TENM3: variants seen among roughly 807,000 people sequenced by gnomAD.
The protein encoded by TENM3 is teneurin-3.
Under a neutral mutation model 255.1 loss-of-function variants are expected in TENM3, and 63 were observed. The ratio of observed to expected loss-of-function variants is 0.25; its 90% CI spans 0.20 to 0.30. TENM3 has a LOEUF of 0.30. TENM3 is among the 10% of genes least tolerant of loss of function. TENM3 has a pLI of 1.00. For missense variants in TENM3, 2,929 were observed against 3,461.1 expected, an observed-to-expected ratio of 0.85 and a Z score of 3.86; for synonymous variants, 1,306 against 1,322.3, an observed-to-expected ratio of 0.99 and a Z score of 0.27.
the TENM3 span, among the ~76,000 whole-genome samples, chr4:181,924,583 G>A: frequency 6.6e-6 from 1 of 152,168 alleles, no homozygotes; most frequent in African/African-American, 2.4e-5. Context: ...ACTGTTCATT[G>A]TTAATGCCTC....
At chr4:182,143,581 G>C (rs1749633979), upstream of TENM3, 1 of 166,760 alleles carries the variant, frequency 6.0e-6, no homozygotes, top group Non-Finnish European at 1.5e-5. The surrounding 1 kb of genome is among the most constrained non-coding windows in gnomAD (Gnocchi z 4.3). Context: ...TTCTAAGAAG[G>C]TTAGAGGTTT....
the TENM3 span, among the ~76,000 whole-genome samples, chr4:181,552,954 C>G: frequency 6.6e-6 from 1 of 152,292 alleles, no homozygotes; most frequent in East Asian, 1.9e-4. Flanking sequence ...CACACACACA[C>G]CACACACACT....
chr4:182,159,678 C>G (rs1222885253), intron 1 of TENM3, among the ~76,000 whole-genome samples: 1 of 152,096 alleles, frequency 6.6e-6, no homozygotes. Flanking sequence ...CCATTAGAAG[C>G]GCTCAGCTCA....
At chr4:181,778,905 T>C in the TENM3 span, among the ~76,000 whole-genome samples, 1 of 152,124 alleles carries the variant, frequency 6.6e-6, no homozygotes, top group Non-Finnish European at 1.5e-5. Context: ...GTGAATATTA[T>C]GAAATGAGGA....
At position 182,161,641 on chromosome 4, in the gene TENM3, A is replaced by ATATATATATACAAATATATATATG. The variant is rs1561152510; in HGVS notation, c.-76+16897_-76+16898insCAAATATATATATGTATATATATA. On this transcript the variant is annotated intron_variant, in intron 1 of 2. Coordinates refer to the TENM3 transcript ENST00000512480. ...TATATATATACAAATATATATATGT[A>ATATATATATACAAATATATATATG]TATATATATATACACACACACAAAT... 1.6e-3 allele frequency among the ~76,000 whole-genome samples: 72 copies of ATATATATATACAAATATATATATG among 46,122 alleles called. 1 individual carries two copies. The South Asian group carries it at 0.016, about 10-fold the overall frequency. 30.3% of individuals were successfully genotyped at this position (46,122 alleles called of 152,430 possible).
chr4:181,766,219 T>C, the TENM3 span, among the ~76,000 whole-genome samples: 1 of 152,106 alleles, frequency 6.6e-6, no homozygotes, highest in Non-Finnish European at 1.5e-5. Flanking sequence ...GATCCAAGTC[T>C]CTCCATAAAT....
At chr4:182,585,163 A>G (rs1745890103) in intron 3 of TENM3, among the ~76,000 whole-genome samples, 1 of 152,188 alleles carries the variant, frequency 6.6e-6, no homozygotes, top group African/African-American at 2.4e-5. Flanking sequence ...ATACTTTAAT[A>G]TACATTATCT....
intron 3 of TENM3, among the ~76,000 whole-genome samples, chr4:182,539,035 A>T (rs768057634): frequency 2.0e-5 from 3 of 151,980 alleles, no homozygotes; most frequent in Non-Finnish European, 4.4e-5. Context: ...AGTGATCATT[A>T]TATAGATGAT....
chr4:182,651,946 A>G (rs951532134), intron 5 of TENM3, among the ~76,000 whole-genome samples: 8 of 152,204 alleles, frequency 5.3e-5, no homozygotes, highest in African/African-American at 1.9e-4. Flanking sequence ...GTAGTAGTAG[A>G]CTTTCAGTCA....
chr4:181,609,322 T>A, the TENM3 span, among the ~76,000 whole-genome samples: 1 of 152,260 alleles, frequency 6.6e-6, no homozygotes, highest in Non-Finnish European at 1.5e-5. Flanking sequence ...GGAAATAAGA[T>A]GCTTTTTTCA....
the TENM3 span, among the ~76,000 whole-genome samples, chr4:181,826,313 A>G: frequency 1.3e-5 from 2 of 152,352 alleles, no homozygotes; most frequent in East Asian, 1.9e-4. Context: ...AAGAAAAACA[A>G]TTGTTAGATG....
the TENM3 span, among the ~76,000 whole-genome samples, chr4:181,540,632 GAC>G: frequency 1.3e-5 from 2 of 152,110 alleles, no homozygotes; most frequent in South Asian, 4.1e-4. Flanking sequence ...CTTCCTCCCA[GAC>G]ACACATTATC....
chr4:181,504,721 G>A, the TENM3 span, among the ~76,000 whole-genome samples: 4 of 152,156 alleles, frequency 2.6e-5, no homozygotes, highest in African/African-American at 2.4e-5. Flanking sequence ...AAATGGCAAC[G>A]CACTTACCTT....
chr4:182,702,387 T>A (rs1425619162), intron 12 of TENM3, among the ~76,000 whole-genome samples: 1 of 152,204 alleles, frequency 6.6e-6, no homozygotes, highest in Non-Finnish European at 1.5e-5. Context: ...CTGGGGCTTA[T>A]GAAACCAAAT....
chr4:182,401,040 ATAT>A (rs1413207652), intron 3 of TENM3, among the ~76,000 whole-genome samples: 1 of 152,178 alleles, frequency 6.6e-6, no homozygotes, highest in Non-Finnish European at 1.5e-5. Flanking sequence ...ATGGAGAGAA[ATAT>A]TATAGCCAGA....
chr4:182,444,311 A>T (rs912689606), intron 3 of TENM3, among the ~76,000 whole-genome samples: 1 of 152,254 alleles, frequency 6.6e-6, no homozygotes, highest in Non-Finnish European at 1.5e-5. Context: ...TTGGCAAAAC[A>T]TAAGACAAAA....
At chr4:182,686,446 T>G (rs553467533) in intron 11 of TENM3, among the ~76,000 whole-genome samples, 1 of 152,256 alleles carries the variant, frequency 6.6e-6, no homozygotes, top group Admixed American at 6.5e-5. Flanking sequence ...AGTATAATTC[T>G]GAATTTCTAA....
chr4:181,929,382 C>G, the TENM3 span, among the ~76,000 whole-genome samples: 2 of 151,644 alleles, frequency 1.3e-5, no homozygotes, highest in African/African-American at 4.8e-5. Flanking sequence ...AGTTGCAATC[C>G]TAGTCTCTGG....
At chr4:182,155,723 G>GT (rs1750659925) in intron 1 of TENM3, among the ~76,000 whole-genome samples, 1 of 151,954 alleles carries the variant, frequency 6.6e-6, no homozygotes, top group South Asian at 2.1e-4. Flanking sequence ...AACATTTTAG[G>GT]TAAATAATAT....
Sources: allele counts gnomAD v4.1 joint callset (sites outside exome capture counted in the v4.1 genomes callset), GRCh38; gene constraint gnomAD v4.1.1; non-coding constraint Gnocchi (gnomAD v3.1); transcripts MANE v1.5; gene names NCBI Gene and HGNC (gene_info 2026-07-23, HGNC 2026-07-21).